The following TRPC7 variants were observed in gnomAD, a reference collection of about 807,000 sequenced individuals.
TRPC7 encodes the protein transient receptor potential cation channel subfamily C member 7.
TRPC7 carries 42 observed loss-of-function variants against 90.1 expected under a neutral mutation model. That is an observed-to-expected ratio of 0.47 (90% CI 0.36 to 0.60). TRPC7 has a LOEUF of 0.60. TRPC7 is among the 20% of genes least tolerant of loss of function. The pLI is 0.00. For synonymous variants in TRPC7, 451 were observed against 436.3 expected (o/e 1.03, Z -0.42); for missense variants, 955 against 1,112.3 (o/e 0.86, Z 2.01).
At position 136,306,794 on chromosome 5, in the gene TRPC7, T is replaced by C. The variant is rs550006270; in HGVS notation, c.963+8803A>G. On this transcript the variant is annotated intron_variant, in intron 3 of 11. Transcript: ENST00000513104. ...ATCTCCCCCACCCTTAAGAAGTTTC[T>C]TTGTAATTCTCCCCACCCTTGAGAA... 5.1e-3 allele frequency among the ~76,000 whole-genome samples: 771 copies of C among 152,342 alleles called. 5 individuals carry two copies. Among genetic ancestry groups the C allele is most frequent in the African/African-American group, 0.018 (734 of 41,558 alleles).
chr5:136,309,352 T>A (rs1758753227), intron 3 of TRPC7, among the ~76,000 whole-genome samples: 1 of 152,234 alleles, frequency 6.6e-6, no homozygotes, highest in African/African-American at 2.4e-5. Context: ...CTATCAGACC[T>A]ACTGCTCAGC....
At chr5:136,326,206 T>A (rs1451161756) in intron 2 of TRPC7, among the ~76,000 whole-genome samples, 1 of 152,244 alleles carries the variant, frequency 6.6e-6, no homozygotes, top group Non-Finnish European at 1.5e-5. Flanking sequence ...CACTGCTTCA[T>A]TACCGTATTT....
Position 136,365,239 on chromosome 5 carries a change from T to G in TRPC7, c.2+14A>C. 3 of 1,536,964 alleles carry G rather than the reference T, an allele frequency of 2.0e-6. No individual in the cohort carries two copies. The Admixed American group carries it at 5.9e-5, about 30-fold the overall frequency. Reference sequence around the variant, plus strand: ...AAAAAAAATCAATATGAAAGAACCATCATAGCTGCTTACATTGAGGGTGTA... The same window carrying G: ...AAAAAAAATCAATATGAAAGAACCAGCATAGCTGCTTACATTGAGGGTGTA... On this transcript the variant is annotated intron_variant, in intron 1 of 11. Coordinates refer to ENST00000513104, the MANE Select transcript of TRPC7 (RefSeq NM_020389.3).
chr5:136,262,773 T>C (rs1756900487), intron 5 of TRPC7, among the ~76,000 whole-genome samples: 1 of 152,062 alleles, frequency 6.6e-6, no homozygotes, highest in Non-Finnish European at 1.5e-5. Context: ...GATCCCTAAG[T>C]AAAGGGAAAC....
At position 136,226,176 on chromosome 5, in the gene TRPC7, G is replaced by C. The variant is rs781750138; in HGVS notation, c.2120C>G (p.Ala707Gly). 1.4e-5 allele frequency: 22 copies of C among 1,558,148 alleles called. No individual in the cohort carries two copies. The highest frequency in any genetic ancestry group is 1.8e-5 in the Non-Finnish European group (21 of 1,149,536). The stretch of plus-strand genomic sequence containing the variant: ...AGGACTTGGCACTAGATTAAAAGGA[G>C]CAGGTAGAGTTCTTCCTTCATCAAA... ...SYFDEGRTLP[A>G]PFNLVPSPKS... Residue 707 changes from alanine to glycine, a missense_variant, in exon 9 of 12, where the codon GCT becomes GGT. Ala to Gly is a moderately conservative substitution (Grantham distance 60, BLOSUM62 0). Around this residue, in one of 4 missense-constraint regions of TRPC7, gnomAD observed 296 missense variants for 422.7 expected, o/e 0.70. Coordinates refer to ENST00000513104, the MANE Select transcript of TRPC7 (RefSeq NM_020389.3).
At chr5:136,223,283 G>A (rs543403098) in intron 10 of TRPC7, among the ~76,000 whole-genome samples, 12 of 152,302 alleles carry the variant, frequency 7.9e-5, no homozygotes, top group African/African-American at 2.4e-4. Context: ...CAGCGAGGAC[G>A]GAAGACAGAG....
At chr5:136,267,195 C>A (rs538245394) in intron 4 of TRPC7, among the ~76,000 whole-genome samples, 17 of 152,236 alleles carry the variant, frequency 1.1e-4, no homozygotes, top group Admixed American at 8.5e-4. Flanking sequence ...CTATTAGGAG[C>A]AAATACTAGT....
intron 3 of TRPC7, among the ~76,000 whole-genome samples, chr5:136,295,378 T>G (rs1580915604): frequency 6.6e-6 from 1 of 152,314 alleles, no homozygotes; most frequent in South Asian, 2.1e-4. Flanking sequence ...CCTGTGGATC[T>G]GGTGAGAGGT....
chr5:136,359,114 G>A (rs1206757576), intron 1 of TRPC7, among the ~76,000 whole-genome samples: 1 of 152,154 alleles, frequency 6.6e-6, no homozygotes, highest in Non-Finnish European at 1.5e-5. Flanking sequence ...AATTAGCCTT[G>A]TGAATGTTTA....
intron 6 of TRPC7, among the ~76,000 whole-genome samples, chr5:136,249,761 A>G (rs1220952197): frequency 1.3e-5 from 2 of 152,204 alleles, no homozygotes; most frequent in African/African-American, 2.4e-5. Flanking sequence ...CCTTAGAGCT[A>G]TTTCCAAGAG....
Position 136,247,677 on chromosome 5 carries a change from T to C in TRPC7, c.1638A>G (p.Ile546Met). The C allele has an allele frequency of 6.2e-7, 1 of 1,613,964 alleles. No individual in the cohort carries two copies. The highest frequency in any genetic ancestry group is 8.5e-7 in the Non-Finnish European group (1 of 1,179,880). Residue 546 changes from isoleucine to methionine, a missense_variant, in exon 7 of 12, where the codon ATA becomes ATG. Coordinates refer to ENST00000513104, the MANE Select transcript of TRPC7 (RefSeq NM_020389.3). This position sits in a 1 kb window ranked among gnomAD's most constrained non-coding sequence, Gnocchi z 4.2. ...TGCGAGAGAAGCTCAGCACGACGGC[T>C]ATCGCGTAGAGCCCTTCCGATATGA... ...PQIISEGLYA[I>M]AVVLSFSRIA...
chr5:136,303,642 T>A (rs1345645427), intron 3 of TRPC7: 1 of 152,030 alleles, frequency 6.6e-6, no homozygotes, highest in Non-Finnish European at 1.5e-5. Context: ...GGATTCCTCC[T>A]AAGCCGTGTC....
At chr5:136,363,733 T>C (rs555107073) in intron 1 of TRPC7, among the ~76,000 whole-genome samples, 5 of 152,198 alleles carry the variant, frequency 3.3e-5, no homozygotes, top group Non-Finnish European at 5.9e-5. Context: ...CCAAGTAACA[T>C]CATTTAGAGA....
intron 7 of TRPC7, among the ~76,000 whole-genome samples, chr5:136,246,401 C>A (rs116953548): frequency 6.6e-6 from 1 of 152,198 alleles, no homozygotes; most frequent in Admixed American, 6.5e-5. Context: ...GGTGAGTTAA[C>A]GTCCTATGGA....
intron 2 of TRPC7, among the ~76,000 whole-genome samples, chr5:136,326,499 A>C (rs1759352264): frequency 6.6e-6 from 1 of 152,190 alleles, no homozygotes; most frequent in Non-Finnish European, 1.5e-5. Context: ...ATCAGTTGAA[A>C]GTAAGAATAG....
intron 3 of TRPC7, among the ~76,000 whole-genome samples, chr5:136,286,524 T>C (rs763299289): frequency 5.3e-5 from 8 of 152,122 alleles, no homozygotes; most frequent in East Asian, 1.9e-4. Context: ...TAAAAGAGCA[T>C]TGAGGTGCCT....
chr5:136,223,889 C>T (rs1755542347), intron 10 of TRPC7, among the ~76,000 whole-genome samples: 1 of 152,156 alleles, frequency 6.6e-6, no homozygotes, highest in Non-Finnish European at 1.5e-5. Context: ...TAGCTCAAAG[C>T]AGATCAAACC....
At chr5:136,270,216 G>A (rs981194641) in intron 4 of TRPC7, among the ~76,000 whole-genome samples, 1 of 152,218 alleles carries the variant, frequency 6.6e-6, no homozygotes, top group Non-Finnish European at 1.5e-5. Context: ...CAGCCATTAA[G>A]TGCAGATCTC....
At chr5:136,364,328 T>C (rs963492747) in intron 1 of TRPC7, among the ~76,000 whole-genome samples, 1 of 152,224 alleles carries the variant, frequency 6.6e-6, no homozygotes, top group African/African-American at 2.4e-5. Context: ...AGGGTAATTG[T>C]GACATAGAAG....
Sources: allele counts gnomAD v4.1 joint callset (sites outside exome capture counted in the v4.1 genomes callset), GRCh38; gene constraint gnomAD v4.1.1; regional missense constraint gnomAD v4.1.1; non-coding constraint Gnocchi (gnomAD v3.1); transcripts MANE v1.5; gene names NCBI Gene and HGNC (gene_info 2026-07-23, HGNC 2026-07-21).